ADAMTS8: variants seen among roughly 807,000 people sequenced by gnomAD.
ADAMTS8 encodes the protein ADAM metallopeptidase with thrombospondin type 1 motif 8.
A neutral mutation model predicts 64.4 loss-of-function variants in ADAMTS8; 50 were observed. That is an observed-to-expected ratio of 0.78 (90% CI 0.62 to 0.98). ADAMTS8 has a LOEUF of 0.98. Ranked by LOEUF, ADAMTS8 falls within the 50% of genes least tolerant of loss-of-function variation. The pLI is 0.00. For synonymous variants in ADAMTS8, 556 were observed against 533.6 expected (o/e 1.04, Z -0.58); for missense variants, 1,192 against 1,208.2 (o/e 0.99, Z 0.20).
rs1861951444 is a variant in ADAMTS8 at position 130,411,470 on chromosome 11, A to G, written c.1697T>C (p.Leu566Pro). The G allele has an allele frequency of 6.2e-7, 1 of 1,614,168 alleles. No homozygotes were observed. Among genetic ancestry groups the G allele is most frequent in the Non-Finnish European group, 8.5e-7 (1 of 1,180,038 alleles). The change falls in exon 6 of 9, where the codon CTG becomes CCG. Residue 566 changes from leucine to proline, a missense_variant. Leu to Pro is a moderately conservative substitution (Grantham distance 98, BLOSUM62 -3). Coordinates refer to ENST00000257359, the MANE Select transcript of ADAMTS8 (RefSeq NM_007037.6). The surrounding 1 kb of genome is among the most constrained non-coding windows in gnomAD (Gnocchi z 4.2). Reference protein sequence around the residue: ...PEPQNGGRYCLGRRAKYQSCH... With the variant: ...PEPQNGGRYCPGRRAKYQSCH... ...TGACTGGTACTTGGCTCTCCGACCC[A>G]GGCAGTATCTTCCTCCATTCTGAGG...
chr11:130,424,968 C>G lies in ADAMTS8; in HGVS notation c.720+2599G>C, dbSNP rs138918575. Among the ~76,000 whole-genome samples the G allele has an allele frequency of 2.0e-5, 3 of 152,202 alleles. No individual in the cohort carries two copies. In the East Asian group the frequency reaches 5.8e-4, roughly 29 times the overall value. ...CCAGGTGAGACTCAGAAGTCAACCC[C>G]CTAGGGAGAGGAACTCAGCCTTCAG... On this transcript the variant is annotated intron_variant, in intron 1 of 8. Coordinates refer to ENST00000257359, the MANE Select transcript of ADAMTS8 (RefSeq NM_007037.6).
Position 130,405,599 on chromosome 11 carries a change from C to T in ADAMTS8, c.2629G>A (p.Glu877Lys), listed in dbSNP as rs549603780. The change falls in exon 9 of 9, where the codon GAG becomes AAG. Residue 877 changes from glutamate (E) to lysine (K), a missense_variant. Coordinates refer to ENST00000257359, the MANE Select transcript of ADAMTS8 (RefSeq NM_007037.6). ...SATCNKALKP[E>K]DAKPCESQLC... ...TGGCTTTCGCAGGGCTTGGCATCCT[C>T]GGGTTTCAGAGCCTTGTTGCAGGTG... 4.5e-5 allele frequency: 72 copies of T among 1,610,720 alleles called. No individual in the cohort carries two copies. Among genetic ancestry groups the T allele is most frequent in the Middle Eastern group, 1.7e-4 (1 of 5,988 alleles).
In ADAMTS8 at chr11:130,416,465, T is replaced by TC; in HGVS notation, c.1097-136dup. 2.0e-6 allele frequency: 2 copies of TC among 988,736 alleles called. No individual in the cohort carries two copies. The highest frequency in any genetic ancestry group is 2.9e-6 in the Non-Finnish European group (2 of 697,742). The allele number at this position is 988,736 out of a possible 1,614,324, so 61.2% of individuals were successfully genotyped here. A position where few individuals can be genotyped will look rare whatever the true frequency, so the allele number is the denominator to read the frequency against. ...CTCCGAAGATTTCTGCGTAGGGCTT[T>TC]CCCCTGCGCTTTGCTCTTCCAGGAC... On this transcript the variant is annotated intron_variant, in intron 3 of 8. Coordinates refer to ENST00000257359, the MANE Select transcript of ADAMTS8 (RefSeq NM_007037.6). The surrounding 1 kb of genome is among the most constrained non-coding windows in gnomAD (Gnocchi z 4.8).
chr11:130,405,860 G>A lies in ADAMTS8; in HGVS notation c.2368C>T (p.Leu790Phe). The change falls in exon 9 of 9, where the codon CTC (leucine) becomes TTC (phenylalanine). Residue 790 changes from leucine (L) to phenylalanine (F), a missense_variant. By Grantham distance (22) the Leu-to-Phe change is conservative. Coordinates refer to ENST00000257359, the MANE Select transcript of ADAMTS8 (RefSeq NM_007037.6). ...RPLPEPLTVQ[L>F]LTVPGEVFPP... is the part of the protein sequence containing the mutation. ...AAGACCTCGCCAGGGACTGTCAGGA[G>A]CTGCACTGTCAGAGGCTCTGGCAAG... The A allele has an allele frequency of 6.2e-7, 1 of 1,614,062 alleles. No individual in the cohort carries two copies. The highest frequency in any genetic ancestry group is 8.5e-7 in the Non-Finnish European group (1 of 1,180,056).
At chr11:130,412,407 T>C (rs1260840419) in intron 5 of ADAMTS8, among the ~76,000 whole-genome samples, 2 of 151,904 alleles carry the variant, frequency 1.3e-5, no homozygotes, top group Non-Finnish European at 2.9e-5. Context: ...AGAGATGGGG[T>C]TTCACCATGT....
rs1298947983 is a variant in ADAMTS8, at chr11:130,408,881, C to A, written c.1810G>T (p.Asp604Tyr). 1.2e-6 allele frequency: 2 copies of A among 1,608,644 alleles called. No homozygotes were observed. The highest frequency in any genetic ancestry group is 1.7e-6 in the Non-Finnish European group (2 of 1,177,766). ...KYNAYNYTDM[D>Y]GNLLQWVPKY... is the part of the protein sequence containing the mutation. ...GGGACCCACTGCAGGAGATTCCCGT[C>A]CATGTCAGTGTAATTGTAGGCATTA... Residue 604 changes from aspartate to tyrosine, a missense_variant, in exon 7 of 9, where the codon GAC becomes TAC. Physicochemically the swap from Asp to Tyr is radical, Grantham distance 160 (BLOSUM62 -3). Transcript: ENST00000257359.
intron 8 of ADAMTS8, 151 bp from the exon 9 acceptor site, chr11:130,406,279 A>AT: frequency 1.0e-6 from 1 of 972,990 alleles, no homozygotes; most frequent in Non-Finnish European, 1.5e-6. Flanking sequence ...TTCTCAATAA[A>AT]TTAGCTGTTT....
At position 130,405,456 on chromosome 11, in the gene ADAMTS8, G is replaced by T. The variant is rs532072818; in HGVS notation, c.*102C>A. ...ATGGGAGGCCTGGGTGGGCCGTGCT[G>T]CCTTGATATGGCCAAGGGACCCAGT... On this transcript the variant is annotated 3_prime_UTR_variant, in exon 9 of 9. Coordinates refer to ENST00000257359, the MANE Select transcript of ADAMTS8 (RefSeq NM_007037.6). 141 of 1,501,874 alleles carry T rather than the reference G, an allele frequency of 9.4e-5. No homozygotes were observed. Among genetic ancestry groups the T allele is most frequent in the Admixed American group, 2.3e-4 (10 of 44,276 alleles). 93.0% of individuals were successfully genotyped at this position (1,501,874 alleles called of 1,614,324 possible).
intron 6 of ADAMTS8, among the ~76,000 whole-genome samples, chr11:130,409,419 G>C (rs1861926015): frequency 6.6e-6 from 1 of 152,022 alleles, no homozygotes; most frequent in African/African-American, 2.4e-5. Flanking sequence ...GGTGTCCCTG[G>C]GGAGCTCCGT....
intron 6 of ADAMTS8, 88 bp from the exon 7 acceptor site, chr11:130,409,028 C>T: frequency 9.5e-6 from 14 of 1,470,194 alleles, no homozygotes; most frequent in Non-Finnish European, 1.2e-5. Context: ...CAGCACTTTT[C>T]TTCTTTCTTT....
In ADAMTS8 at chr11:130,405,564, G is replaced by A; in HGVS notation, c.2664C>T (p.Pro888=). The A allele has an allele frequency of 6.3e-7, 1 of 1,598,016 alleles. No homozygotes were observed. The highest frequency in any genetic ancestry group is 8.5e-7 in the Non-Finnish European group (1 of 1,169,842). ...TGGCCCCTGCCCCCCTGAATCACAG[G>A]GGGCACAGCTGGCTTTCGCAGGGCT... ...DAKPCESQLC[P]L is the part of the protein sequence containing the mutation. The change falls in exon 9 of 9, where the codon CCC becomes CCT. Residue 888 remains proline (P), a synonymous_variant. Transcript: ENST00000257359.
chr11:130,418,332 T>TATCCTAGGGCTGGCTGC (rs562044711), intron 2 of ADAMTS8, among the ~76,000 whole-genome samples: 62 of 152,250 alleles, frequency 4.1e-4, no homozygotes, highest in Admixed American at 1.1e-3. Flanking sequence ...AGGCTGGCTG[T>TATCCTAGGGCTGGCTGC]ATCCTAGGGC....
At chr11:130,413,429 C>T (rs992206849) in intron 5 of ADAMTS8, among the ~76,000 whole-genome samples, 1 of 152,148 alleles carries the variant, frequency 6.6e-6, no homozygotes, top group Non-Finnish European at 1.5e-5. Flanking sequence ...TCCCAAGGCT[C>T]AGTGCAAAAG....
At chr11:130,415,492 A>G (rs896749167) in intron 4 of ADAMTS8, among the ~76,000 whole-genome samples, 4 of 147,806 alleles carry the variant, frequency 2.7e-5, no homozygotes, top group African/African-American at 9.9e-5. Flanking sequence ...TTTAGTAGAG[A>G]TGGGGTTTCA....
chr11:130,428,207 G>C lies in ADAMTS8; in HGVS notation c.80C>G (p.Ala27Gly), dbSNP rs899048909. ...LLLLLPLARGAPARPAAGGQA... is the reference protein window; with the variant it reads ...LLLLLPLARGGPARPAAGGQA... ...CCCCCCGGCTGCGGGCCGGGCCGGG[G>C]CGCCGCGGGCCAGCGGCAGCAGCAG... Residue 27 changes from alanine (A) to glycine (G), a missense_variant, in exon 1 of 9, where the codon GCC (alanine) becomes GGC (glycine). Ala to Gly is a moderately conservative substitution (Grantham distance 60, BLOSUM62 0). Transcript: ENST00000257359. The C allele has an allele frequency of 8.0e-7, 1 of 1,244,760 alleles. No individual in the cohort carries two copies. Among genetic ancestry groups the C allele is most frequent in the Non-Finnish European group, 1.0e-6 (1 of 1,002,138 alleles). 77.1% of individuals were successfully genotyped at this position (1,244,760 alleles called of 1,614,324 possible). A position where few individuals can be genotyped will look rare whatever the true frequency, so the allele number is the denominator to read the frequency against.
rs989140599 is a variant in ADAMTS8 at position 130,428,268 on chromosome 11, C to A, written c.19G>T (p.Ala7Ser). The part of the protein sequence containing the change: MLPAPA[A>S]PRWPPLLLLL... Reference sequence around the variant, plus strand: ...AGCAGGAGCGGAGGCCACCGGGGGGCGGCGGGGGCGGGGAGCATGGGGGCT... The same window carrying A: ...AGCAGGAGCGGAGGCCACCGGGGGGAGGCGGGGGCGGGGAGCATGGGGGCT... The change falls in exon 1 of 9, where the codon GCC becomes TCC. Residue 7 changes from alanine (A) to serine (S), a missense_variant. This residue lies in a region of ADAMTS8 where 741 missense variants were observed against 710.6 expected (regional missense o/e 1.04). Transcript: ENST00000257359. 1.6e-5 allele frequency: 19 copies of A among 1,197,490 alleles called. No homozygotes were observed. The African/African-American group carries it at 2.7e-4, about 17-fold the overall frequency. 74.2% of individuals were successfully genotyped at this position (1,197,490 alleles called of 1,614,324 possible). A position where few individuals can be genotyped will look rare whatever the true frequency, so the allele number is the denominator to read the frequency against.
At chr11:130,427,077 C>T (rs541647319) in intron 1 of ADAMTS8, among the ~76,000 whole-genome samples, 3 of 152,394 alleles carry the variant, frequency 2.0e-5, no homozygotes, top group Admixed American at 6.5e-5. Flanking sequence ...TGGCGACCTC[C>T]ATACCCAAGG....
At position 130,414,451 on chromosome 11, in the gene ADAMTS8, T is replaced by A. The variant is rs1187528071; in HGVS notation, c.1566+80A>T. The A allele has an allele frequency of 2.0e-6, 3 of 1,482,412 alleles. No homozygotes were observed. In the African/African-American group the frequency reaches 4.2e-5, roughly 21 times the overall value. 91.8% of individuals were successfully genotyped at this position (1,482,412 alleles called of 1,614,324 possible). ...ATGACTCTCAAGTGTGGTTTCCTTC[T>A]GGAGAACAGCCCTCAGTCCTCCCCA... On this transcript the variant is annotated intron_variant, in intron 5 of 8. Coordinates refer to ENST00000257359, the MANE Select transcript of ADAMTS8 (RefSeq NM_007037.6).
chr11:130,407,773 A>G (rs1861902592), intron 8 of ADAMTS8, among the ~76,000 whole-genome samples: 1 of 152,200 alleles, frequency 6.6e-6, no homozygotes, highest in Non-Finnish European at 1.5e-5. Flanking sequence ...GTCATTAACC[A>G]TCAATGTGAC....
Sources: gnomAD v4.1 joint callset for allele counts (sites outside exome capture counted in the v4.1 genomes callset) on GRCh38, gnomAD v4.1.1 for gene constraint, gnomAD v4.1.1 regional missense constraint, Gnocchi (gnomAD v3.1) non-coding constraint, MANE v1.5 for transcripts, NCBI Gene and HGNC (gene_info 2026-07-23, HGNC 2026-07-21) for gene names.